The following SEMA3B variants were observed in gnomAD, a reference collection of about 807,000 sequenced individuals.
SEMA3B encodes the protein semaphorin-3B.
SEMA3B carries 71 observed loss-of-function variants against 77.8 expected under a neutral mutation model. The observed-to-expected ratio is 0.91, with a 90% CI of 0.75 to 1.11. The LOEUF (loss-of-function observed/expected upper bound fraction) is 1.11, where lower values mean the gene tolerates loss of function less well. SEMA3B is among the 50% of genes most tolerant of loss of function. The pLI is 0.00. For synonymous variants in SEMA3B, 470 were observed against 452.9 expected, an observed-to-expected ratio of 1.04 and a Z score of -0.48; for missense variants, 968 against 1,056.8, an observed-to-expected ratio of 0.92 and a Z score of 1.17.
Position 50,273,893 on chromosome 3 carries a change from G to C in SEMA3B, c.993-20G>C. ...TGGGCTCCACCCGGCCCCTCACCTC[G>C]CCCTGGTCTTCGCCTCCAGCAGCAT... On this transcript the variant is annotated intron_variant, in intron 9 of 16. Transcript: ENST00000616701. The surrounding 1 kb of genome is among the most constrained non-coding windows in gnomAD (Gnocchi z 6.5). 8 of 1,588,652 alleles carry C rather than the reference G, an allele frequency of 5.0e-6. No homozygotes were observed. Among genetic ancestry groups the C allele is most frequent in the Admixed American group, 1.8e-5 (1 of 56,556 alleles).
rs1559792238 is a variant in SEMA3B, at chr3:50,276,434, C to G, written c.1978C>G (p.Leu660Val). ...GFTQPLRRLSLHVLSATQAER... is the reference protein window; with the variant it reads ...GFTQPLRRLSVHVLSATQAER... ...TACGCAACCGCTGCGTCGCCTGTCGCTGCACGTGTTGAGTGCTACGCAGGC... is the reference window on the plus strand; with the variant it reads ...TACGCAACCGCTGCGTCGCCTGTCGGTGCACGTGTTGAGTGCTACGCAGGC... The change falls in exon 17 of 17, where the codon CTG becomes GTG. Residue 660 changes from leucine to valine, a missense_variant. Physicochemically the swap from Leu to Val is conservative, Grantham distance 32. Transcript: ENST00000616701. The surrounding 1 kb of genome is among the most constrained non-coding windows in gnomAD (Gnocchi z 5.8). 1 of 1,536,312 alleles carries G rather than the reference C, an allele frequency of 6.5e-7. No homozygotes were observed. The highest frequency in any genetic ancestry group is 8.7e-7 in the Non-Finnish European group (1 of 1,145,818).
Position 50,271,425 on chromosome 3 carries a change from C to A in SEMA3B, c.609C>A (p.Ser203Arg), listed in dbSNP as rs1553705382. Residue 203 changes from serine to arginine, a missense_variant, in exon 6 of 17, where the codon AGC (serine) becomes AGA (arginine). Coordinates refer to ENST00000616701, the MANE Select transcript of SEMA3B (RefSeq NM_001290060.2). ...LMGRDFTIFR[S>R]LGQRPSLRTE... ...GACGAGACTTTACCATCTTTCGCAGCCTAGGGCAACGTCCAAGTCTCCGAA... is the reference window on the plus strand; with the variant it reads ...GACGAGACTTTACCATCTTTCGCAGACTAGGGCAACGTCCAAGTCTCCGAA... The A allele has an allele frequency of 6.3e-7, 1 of 1,588,102 alleles. No individual in the cohort carries two copies. Among genetic ancestry groups the A allele is most frequent in the Non-Finnish European group, 8.6e-7 (1 of 1,167,340 alleles).
chr3:50,266,026 C>T (rs117557334), upstream of SEMA3B, among the ~76,000 whole-genome samples: 10 of 151,816 alleles, frequency 6.6e-5, no homozygotes, highest in Middle Eastern at 6.8e-3. Context: ...ATGGCGGTGG[C>T]GGGGGGGTTT....
chr3:50,276,193 C>T lies in SEMA3B; in HGVS notation c.1846-109C>T, dbSNP rs1198679171. 2.3e-5 allele frequency: 31 copies of T among 1,370,662 alleles called. No individual in the cohort carries two copies. The highest frequency in any genetic ancestry group is 3.0e-5 in the Non-Finnish European group (31 of 1,049,346). The allele number at this position is 1,370,662 out of a possible 1,614,324, so 84.9% of individuals were successfully genotyped here. A position where few individuals can be genotyped will look rare whatever the true frequency, so the allele number is the denominator to read the frequency against. The stretch of plus-strand genomic sequence containing the variant: ...TGTGCGCCTGCGGGCACCCCTTTCC[C>T]GCTCCACCTCGGCTCCCAATGACTC... On this transcript the variant is annotated intron_variant, in intron 16 of 16. Transcript: ENST00000616701. This position sits in a 1 kb window ranked among gnomAD's most constrained non-coding sequence, Gnocchi z 5.8.
chr3:50,271,143 C>T lies in SEMA3B; in HGVS notation c.506C>T (p.Pro169Leu), dbSNP rs1553705295. 6.3e-7 allele frequency: 1 copy of T among 1,584,698 alleles called. No individual in the cohort carries two copies. The highest frequency in any genetic ancestry group is 2.3e-5 in the East Asian group (1 of 43,412). The change falls in exon 5 of 17, where the codon CCT (proline) becomes CTT (leucine). Residue 169 changes from proline to leucine, a missense_variant. Transcript: ENST00000616701. ...ATAGAGGATGGCAAGGGGAAGAGTC[C>T]TTATGACCCCAGGCATCGGGCTGCC... is the stretch of plus-strand genomic sequence containing the variant. Reference protein sequence around the residue: ...GRIEDGKGKSPYDPRHRAASV... With the variant: ...GRIEDGKGKSLYDPRHRAASV...
chr3:50,269,690 G>A lies in SEMA3B; in HGVS notation c.109+341G>A, dbSNP rs1700992701. 6.6e-6 allele frequency among the ~76,000 whole-genome samples: 1 copy of A among 152,178 alleles called. No homozygotes were observed. Among genetic ancestry groups the A allele is most frequent in the African/African-American group, 2.4e-5 (1 of 41,440 alleles). ...CCCTTCTCATGCCTCCTGTATAGGA[G>A]GGTGGCCCCTGGGCAGTGGCAGTGA... On this transcript the variant is annotated intron_variant, in intron 1 of 16. Coordinates refer to ENST00000616701, the MANE Select transcript of SEMA3B (RefSeq NM_001290060.2). This position sits in a 1 kb window ranked among gnomAD's most constrained non-coding sequence, Gnocchi z 4.0.
Position 50,269,684 on chromosome 3 carries a change from A to G in SEMA3B, c.109+335A>G, listed in dbSNP as rs1394637208. On this transcript the variant is annotated intron_variant, in intron 1 of 16. Coordinates refer to ENST00000616701, the MANE Select transcript of SEMA3B (RefSeq NM_001290060.2). This position sits in a 1 kb window ranked among gnomAD's most constrained non-coding sequence, Gnocchi z 4.0. ...AGAGCCCCCTTCTCATGCCTCCTGTATAGGAGGGTGGCCCCTGGGCAGTGG... is the reference window on the plus strand; with the variant it reads ...AGAGCCCCCTTCTCATGCCTCCTGTGTAGGAGGGTGGCCCCTGGGCAGTGG... 2.0e-5 allele frequency among the ~76,000 whole-genome samples: 3 copies of G among 152,108 alleles called. No homozygotes were observed. Among genetic ancestry groups the G allele is most frequent in the African/African-American group, 7.2e-5 (3 of 41,416 alleles).
rs1553706728 is a variant in SEMA3B, at chr3:50,276,375, G to A, written c.1919G>A (p.Gly640Asp). 6.5e-7 allele frequency: 1 copy of A among 1,535,764 alleles called. No homozygotes were observed. Among genetic ancestry groups the A allele is most frequent in the African/African-American group, 1.4e-5 (1 of 72,814 alleles). Residue 640 changes from glycine (G) to aspartate (D), a missense_variant, in exon 17 of 17, where the codon GGC (glycine) becomes GAC (aspartate). Transcript: ENST00000616701. The surrounding 1 kb of genome is among the most constrained non-coding windows in gnomAD (Gnocchi z 5.8). ...CGCAGGCTGCGGCGCCGGGACTCGGGCGTGTACTTGTGCGCCGCCGTCGAG... is the reference window on the plus strand; with the variant it reads ...CGCAGGCTGCGGCGCCGGGACTCGGACGTGTACTTGTGCGCCGCCGTCGAG... ...LLRRLRRRDSGVYLCAAVEQG... is the reference protein window; with the variant it reads ...LLRRLRRRDSDVYLCAAVEQG...
rs781989155 is a variant in SEMA3B at position 50,275,404 on chromosome 3, C to T, written c.1594C>T (p.Pro532Ser). The T allele has an allele frequency of 6.3e-6, 10 of 1,597,358 alleles. No individual in the cohort carries two copies. In the Admixed American group the frequency reaches 1.7e-4, roughly 28 times the overall value. The stretch of plus-strand genomic sequence containing the variant: ...CACCGAATGCTGTCTGGCGCGTGAC[C>T]CCTACTGCGCCTGGGACGGGGTCGC... Reference protein sequence around the residue: ...VCTECCLARDPYCAWDGVACT... With the variant: ...VCTECCLARDSYCAWDGVACT... The change falls in exon 14 of 17, where the codon CCC becomes TCC. Residue 532 changes from proline to serine, a missense_variant. Coordinates refer to ENST00000616701, the MANE Select transcript of SEMA3B (RefSeq NM_001290060.2). This position sits in a 1 kb window ranked among gnomAD's most constrained non-coding sequence, Gnocchi z 7.5.
At position 50,276,501 on chromosome 3, in the gene SEMA3B, C is replaced by T; in HGVS notation, c.2045C>T (p.Pro682Leu). 6.5e-7 allele frequency: 1 copy of T among 1,532,004 alleles called. No individual in the cohort carries two copies. Among genetic ancestry groups the T allele is most frequent in the Non-Finnish European group, 8.7e-7 (1 of 1,144,016 alleles). 94.9% of individuals were successfully genotyped at this position (1,532,004 alleles called of 1,614,324 possible). A position where few individuals can be genotyped will look rare whatever the true frequency, so the allele number is the denominator to read the frequency against. ...ARAEEAAPAA[P>L]PGPKLWYRDF... is the part of the protein sequence containing the mutation. ...GCCGAGGAGGCTGCGCCCGCCGCGC[C>T]GCCGGGCCCCAAACTCTGGTACCGG... The change falls in exon 17 of 17, where the codon CCG (proline) becomes CTG (leucine). Residue 682 changes from proline (P) to leucine (L), a missense_variant. Coordinates refer to ENST00000616701, the MANE Select transcript of SEMA3B (RefSeq NM_001290060.2). This position sits in a 1 kb window ranked among gnomAD's most constrained non-coding sequence, Gnocchi z 5.8.
At chr3:50,271,252 C>T (rs1701040275) in intron 5 of SEMA3B, 71 bp downstream of exon 5, 2 of 1,546,320 alleles carry the variant, frequency 1.3e-6, no homozygotes, top group Non-Finnish European at 1.7e-6. Context: ...CCCAAGACCC[C>T]CAAGAGCTCC....
chr3:50,272,878 A>ATAATAATAATAATAATAATAG (rs1701092893), intron 6 of SEMA3B, among the ~76,000 whole-genome samples: 1 of 150,740 alleles, frequency 6.6e-6, no homozygotes, highest in Non-Finnish European at 1.5e-5. Context: ...AATAATAATA[A>ATAATAATAATAATAATAATAG]TAAAGAGCAA....
In SEMA3B at chr3:50,274,330, T is replaced by A; in HGVS notation, c.1138-33T>A. 3.4e-6 allele frequency: 5 copies of A among 1,460,488 alleles called. No individual in the cohort carries two copies. Among genetic ancestry groups the A allele is most frequent in the Non-Finnish European group, 4.6e-6 (5 of 1,090,418 alleles). The allele number at this position is 1,460,488 out of a possible 1,614,324, so 90.5% of individuals were successfully genotyped here. A position where few individuals can be genotyped will look rare whatever the true frequency, so the allele number is the denominator to read the frequency against. ...TGCCTATCAAGCCCCCATATCTATA[T>A]CCCTGCTGTGCCTCCCTTTCCCCCA... On this transcript the variant is annotated intron_variant, in intron 10 of 16. Transcript: ENST00000616701. This position sits in a 1 kb window ranked among gnomAD's most constrained non-coding sequence, Gnocchi z 4.7.
the SEMA3B span, chr3:50,260,475 G>T: frequency 1.3e-5 from 2 of 152,284 alleles, no homozygotes; most frequent in African/African-American, 4.8e-5. Context: ...CCCCAGGCCC[G>T]GTCCCCGCCC....
upstream of SEMA3B, chr3:50,269,018 G>A: frequency 1.7e-6 from 1 of 581,492 alleles, no homozygotes. The surrounding 1 kb of genome is among the most constrained non-coding windows in gnomAD (Gnocchi z 4.0). Context: ...TGTGATTGTG[G>A]CCAGGCGGGG....
rs1559785682 is a variant in SEMA3B at position 50,270,470 on chromosome 3, G to A, written c.305G>A (p.Cys102Tyr). ...WPAPVEWREE[C>Y]NWAGKDIGTE... ...GCCCCTGTGGAATGGCGAGAGGAGT[G>A]CAACTGGGCAGGGAAGGACATTGGT... is the stretch of plus-strand genomic sequence containing the variant. Residue 102 changes from cysteine to tyrosine, a missense_variant, in exon 3 of 17, where the codon TGC (cysteine) becomes TAC (tyrosine). Physicochemically the swap from Cys to Tyr is radical, Grantham distance 194. Transcript: ENST00000616701. The surrounding 1 kb of genome is among the most constrained non-coding windows in gnomAD (Gnocchi z 4.7). 1 of 1,613,700 alleles carries A rather than the reference G, an allele frequency of 6.2e-7. No homozygotes were observed. Among genetic ancestry groups the A allele is most frequent in the Non-Finnish European group, 8.5e-7 (1 of 1,179,864 alleles).
rs1701140334 is a variant in SEMA3B, at chr3:50,274,046, C to T, written c.1126C>T (p.Arg376Trp). The change falls in exon 10 of 17, where the codon CGG (arginine) becomes TGG (tryptophan). Residue 376 changes from arginine to tryptophan, a missense_variant. Arg to Trp is a moderately radical substitution (Grantham distance 101). Coordinates refer to ENST00000616701, the MANE Select transcript of SEMA3B (RefSeq NM_001290060.2). This position sits in a 1 kb window ranked among gnomAD's most constrained non-coding sequence, Gnocchi z 4.7. ...ATACCAGGGTCGCGTCCCCTACCCG[C>T]GGCCAGGCATGGTTCGTAGCCCAGG... The part of the protein sequence containing the change: ...VSYQGRVPYP[R>W]PGMCPSKTFG... 6.2e-6 allele frequency: 10 copies of T among 1,613,260 alleles called. No individual in the cohort carries two copies. The Admixed American group carries it at 1.2e-4, about 19-fold the overall frequency.
At position 50,273,690 on chromosome 3, in the gene SEMA3B, C is replaced by T. The variant is rs781889646; in HGVS notation, c.922+44C>T. On this transcript the variant is annotated intron_variant, in intron 8 of 16. Coordinates refer to ENST00000616701, the MANE Select transcript of SEMA3B (RefSeq NM_001290060.2). The surrounding 1 kb of genome is among the most constrained non-coding windows in gnomAD (Gnocchi z 6.5). The stretch of plus-strand genomic sequence containing the variant: ...ATGGGGTTGGGGAGGGGGGCAGCGG[C>T]GCAGACTCCGGGAGCCCCCGCCGCA... 1.2e-6 allele frequency: 2 copies of T among 1,600,926 alleles called. No homozygotes were observed. The highest frequency in any genetic ancestry group is 1.1e-5 in the South Asian group (1 of 90,838).
Position 50,270,887 on chromosome 3 carries a change from T to C in SEMA3B, c.331-3T>C. The C allele has an allele frequency of 6.3e-7, 1 of 1,599,234 alleles. No homozygotes were observed. The highest frequency in any genetic ancestry group is 8.5e-7 in the Non-Finnish European group (1 of 1,172,772). On this transcript the variant is annotated splice_polypyrimidine_tract_variant and splice_region_variant and intron_variant, in intron 3 of 16. Coordinates refer to ENST00000616701, the MANE Select transcript of SEMA3B (RefSeq NM_001290060.2). This position sits in a 1 kb window ranked among gnomAD's most constrained non-coding sequence, Gnocchi z 4.7. ...GGAAGCCTCACACCTCCAACCCTACTAGACTGAGTGCATGAACTTCGTGAA... is the reference window on the plus strand; with the variant it reads ...GGAAGCCTCACACCTCCAACCCTACCAGACTGAGTGCATGAACTTCGTGAA...
Sources: allele counts gnomAD v4.1 joint callset (sites outside exome capture counted in the v4.1 genomes callset), GRCh38; gene constraint gnomAD v4.1.1; non-coding constraint Gnocchi (gnomAD v3.1); transcripts MANE v1.5; gene names NCBI Gene and HGNC (gene_info 2026-07-23, HGNC 2026-07-21).